CCSER1: variants seen among roughly 807,000 people sequenced by gnomAD.
CCSER1 encodes coiled-coil serine rich protein 1.
CCSER1 carries 41 observed loss-of-function variants against 82.0 expected under a neutral mutation model. The observed-to-expected ratio is 0.50, with a 90% CI of 0.39 to 0.65. CCSER1 has a LOEUF of 0.65. CCSER1 is among the 30% of genes least tolerant of loss of function. CCSER1 has a pLI of 0.00. For synonymous variants in CCSER1, 414 were observed against 383.9 expected, an observed-to-expected ratio of 1.08 and a Z score of -0.92; for missense variants, 1,119 against 1,064.2, an observed-to-expected ratio of 1.05 and a Z score of -0.72.
chr4:91,274,669 T>G (rs2149189640), intron 10 of CCSER1, among the ~76,000 whole-genome samples: 1 of 152,348 alleles, frequency 6.6e-6, no homozygotes, highest in East Asian at 1.9e-4. Context: ...TATTCTTTTT[T>G]ATGGCCAAAT....
At chr4:90,600,374 T>G (rs1783890012) in intron 5 of CCSER1, among the ~76,000 whole-genome samples, 1 of 152,170 alleles carries the variant, frequency 6.6e-6, no homozygotes, top group Non-Finnish European at 1.5e-5. Flanking sequence ...TTTTAGCCTT[T>G]TAGATTTGTG....
chr4:90,280,436 C>T (rs1413422866), intron 1 of CCSER1, among the ~76,000 whole-genome samples: 1 of 151,604 alleles, frequency 6.6e-6, no homozygotes, highest in Non-Finnish European at 1.5e-5. Flanking sequence ...CACAAGGACT[C>T]ACTGAACCCA....
intron 3 of CCSER1, chr4:90,325,553 G>T: frequency 3.0e-6 from 1 of 336,392 alleles, no homozygotes; most frequent in South Asian, 2.3e-5. Flanking sequence ...TGAATGGGCT[G>T]GGACAGCTTC....
intron 5 of CCSER1, among the ~76,000 whole-genome samples, chr4:90,517,621 C>T (rs781624117): frequency 1.6e-4 from 24 of 151,972 alleles, no homozygotes; most frequent in South Asian, 6.2e-4. Flanking sequence ...CATTTGGGAG[C>T]CCTCTGCAAC....
chr4:91,220,944 T>C (rs996071992), intron 10 of CCSER1, among the ~76,000 whole-genome samples: 4 of 152,012 alleles, frequency 2.6e-5, no homozygotes, highest in African/African-American at 9.7e-5. Context: ...GTACGGAAAA[T>C]GTAGGATAAA....
intron 10 of CCSER1, among the ~76,000 whole-genome samples, chr4:91,086,936 T>A (rs186410009): frequency 2.0e-5 from 3 of 152,094 alleles, no homozygotes; most frequent in Non-Finnish European, 4.4e-5. Context: ...TTGGTTCACA[T>A]TGATGGAAGA....
intron 10 of CCSER1, among the ~76,000 whole-genome samples, chr4:91,503,606 T>C (rs753005375): frequency 9.9e-5 from 15 of 152,028 alleles, no homozygotes; most frequent in Non-Finnish European, 2.1e-4. Context: ...AGCTAAAAAA[T>C]GTTAAAAGGA....
At chr4:90,543,664 A>G (rs1212079961) in intron 5 of CCSER1, among the ~76,000 whole-genome samples, 2 of 152,126 alleles carry the variant, frequency 1.3e-5, no homozygotes, top group South Asian at 2.1e-4. Flanking sequence ...TCAGGCATAG[A>G]GTGAAATGTT....
At chr4:90,390,754 G>A (rs1371650820) in intron 3 of CCSER1, among the ~76,000 whole-genome samples, 1 of 152,040 alleles carries the variant, frequency 6.6e-6, no homozygotes, top group Non-Finnish European at 1.5e-5. Flanking sequence ...AGATACAAGT[G>A]TATATATCTT....
Position 90,308,807 on chromosome 4 carries a change from C to T in CCSER1, c.523C>T (p.Gln175Ter). The T allele has an allele frequency of 6.2e-7, 1 of 1,613,714 alleles. No individual in the cohort carries two copies. The highest frequency in any genetic ancestry group is 8.5e-7 in the Non-Finnish European group (1 of 1,179,802). Residue 175 changes from glutamine (Q) to a stop codon, truncating the protein, a stop_gained, in exon 2 of 11, where the codon CAG becomes TAG. Coordinates refer to ENST00000509176, the MANE Select transcript of CCSER1 (RefSeq NM_001145065.2). LOFTEE classifies it high-confidence loss of function. ...AGACCAAACTCGTCGTTCTGTTAAGCAGTCAACAAGGAAGCTACTCCCTAA... is the reference window on the plus strand; with the variant it reads ...AGACCAAACTCGTCGTTCTGTTAAGTAGTCAACAAGGAAGCTACTCCCTAA... The part of the protein sequence containing the change: ...TEDQTRRSVK[Q>*]STRKLLPKSF...
In CCSER1 at chr4:91,603,598, T is replaced by C. The variant is rs1331206903; in HGVS notation, c.*4541T>C. The C allele has an allele frequency of 6.6e-6, 1 of 152,138 alleles. No homozygotes were observed. Among genetic ancestry groups the C allele is most frequent in the African/African-American group, 2.4e-5 (1 of 41,444 alleles). 9.4% of individuals were successfully genotyped at this position (152,138 alleles called of 1,614,324 possible). Reference sequence around the variant, plus strand: ...TTTTTAGAGCATTTTCAGTGTAGCCTCATTAACTTCTCCAATTTAATACGA... The same window carrying C: ...TTTTTAGAGCATTTTCAGTGTAGCCCCATTAACTTCTCCAATTTAATACGA... On this transcript the variant is annotated 3_prime_UTR_variant, in exon 11 of 11. Transcript: ENST00000509176.
chr4:90,872,258 C>A (rs1450841788), intron 8 of CCSER1, among the ~76,000 whole-genome samples: 2 of 151,706 alleles, frequency 1.3e-5, no homozygotes, highest in African/African-American at 4.8e-5. Context: ...TTCCTTCCTT[C>A]CTTTTATCCT....
chr4:90,974,351 C>G (rs962140759), intron 9 of CCSER1, among the ~76,000 whole-genome samples: 2 of 144,594 alleles, frequency 1.4e-5, no homozygotes, highest in Non-Finnish European at 3.0e-5. Flanking sequence ...TATCTCAAAA[C>G]ATTACATTGT....
intron 9 of CCSER1, among the ~76,000 whole-genome samples, chr4:91,084,000 G>A (rs540299863): frequency 6.6e-6 from 1 of 152,198 alleles, no homozygotes; most frequent in East Asian, 1.9e-4. Flanking sequence ...CCATGATCTC[G>A]ACTCACTGTA....
intron 6 of CCSER1, among the ~76,000 whole-genome samples, chr4:90,643,622 T>G (rs904661720): frequency 4.6e-5 from 7 of 152,208 alleles, no homozygotes; most frequent in Non-Finnish European, 1.0e-4. Context: ...TAGCAAATGC[T>G]CAATACGTAT....
intron 7 of CCSER1, among the ~76,000 whole-genome samples, chr4:90,746,972 A>C (rs1379170272): frequency 6.6e-6 from 1 of 152,180 alleles, no homozygotes; most frequent in Non-Finnish European, 1.5e-5. Context: ...TGTTTTAACT[A>C]CTGTACTATT....
chr4:90,876,057 C>G (rs948375751), intron 8 of CCSER1, among the ~76,000 whole-genome samples: 9 of 152,148 alleles, frequency 5.9e-5, no homozygotes, highest in African/African-American at 1.7e-4. Flanking sequence ...TGCTTCTTTT[C>G]AAACTTAAAA....
intron 1 of CCSER1, among the ~76,000 whole-genome samples, chr4:90,186,386 G>A (rs1351318323): frequency 6.6e-6 from 1 of 151,958 alleles, no homozygotes; most frequent in African/African-American, 2.4e-5. Flanking sequence ...TTAACCCTGG[G>A]TGACTTTTTG....
intron 7 of CCSER1, among the ~76,000 whole-genome samples, chr4:90,734,551 A>G (rs1207668981): frequency 6.6e-6 from 1 of 151,944 alleles, no homozygotes; most frequent in Non-Finnish European, 1.5e-5. Flanking sequence ...ACTCCTAGGT[A>G]TTTATTTTTG....
Sources: allele counts gnomAD v4.1 joint callset (sites outside exome capture counted in the v4.1 genomes callset), GRCh38; gene constraint gnomAD v4.1.1; transcripts MANE v1.5; gene names NCBI Gene and HGNC (gene_info 2026-07-23, HGNC 2026-07-21).